The following STXBP5L variants were observed in gnomAD, a reference collection of about 807,000 sequenced individuals.
STXBP5L encodes syntaxin binding protein 5L.
A neutral mutation model predicts 144.5 loss-of-function variants in STXBP5L; 65 were observed. The ratio of observed to expected loss-of-function variants is 0.45; its 90% CI spans 0.37 to 0.55. STXBP5L has a LOEUF of 0.55. STXBP5L is among the 20% of genes least tolerant of loss of function. STXBP5L has a pLI of 0.00. For missense variants in STXBP5L, 1,298 were observed against 1,405.5 expected (o/e 0.92, Z 1.22); for synonymous variants, 505 against 469.6 (o/e 1.08, Z -0.97).
At chr3:121,312,446 C>CAT (rs1468535221) in intron 19 of STXBP5L, among the ~76,000 whole-genome samples, 9 of 12,752 alleles carry the variant, frequency 7.1e-4, no homozygotes, top group Non-Finnish European at 9.4e-4. Flanking sequence ...GTATGTCAAT[C>CAT]TTTTTTTTTT....
intron 6 of STXBP5L, among the ~76,000 whole-genome samples, chr3:121,118,020 G>T (rs1268693452): frequency 6.6e-6 from 1 of 151,592 alleles, no homozygotes; most frequent in African/African-American, 2.4e-5. Context: ...TTCCACATAT[G>T]ATTAAAATTT....
At chr3:121,076,556 C>T (rs148809401) in intron 5 of STXBP5L, among the ~76,000 whole-genome samples, 72 of 152,166 alleles carry the variant, frequency 4.7e-4, no homozygotes, top group African/African-American at 1.7e-3. Flanking sequence ...TACACTTAGC[C>T]AGGAGTCGAT....
intron 3 of STXBP5L, among the ~76,000 whole-genome samples, chr3:120,988,395 G>A (rs1367642680): frequency 6.6e-6 from 1 of 151,698 alleles, no homozygotes; most frequent in Non-Finnish European, 1.5e-5. Context: ...TAATTTGCAA[G>A]TGTTTGGAAA....
At chr3:121,154,569 C>T (rs906121481) in intron 8 of STXBP5L, among the ~76,000 whole-genome samples, 27 of 151,630 alleles carry the variant, frequency 1.8e-4, no homozygotes, top group Admixed American at 6.6e-5. Flanking sequence ...TATTGATATT[C>T]TTCAGGATAT....
intron 11 of STXBP5L, among the ~76,000 whole-genome samples, chr3:121,231,125 TG>T (rs2049294958): frequency 6.6e-6 from 1 of 152,296 alleles, no homozygotes; most frequent in East Asian, 1.9e-4. Context: ...ATGGTCCTCT[TG>T]TTTATAATAT....
chr3:121,052,630 G>A (rs577545391), intron 5 of STXBP5L, among the ~76,000 whole-genome samples: 2 of 152,140 alleles, frequency 1.3e-5, no homozygotes, highest in Non-Finnish European at 2.9e-5. Flanking sequence ...CAAACCCACA[G>A]TCAATATCAT....
chr3:120,984,165 C>T (rs1453600655), intron 3 of STXBP5L, among the ~76,000 whole-genome samples: 1 of 152,184 alleles, frequency 6.6e-6, no homozygotes, highest in African/African-American at 2.4e-5. Flanking sequence ...AAAGATTCAC[C>T]TCCAGTTCTC....
At chr3:121,348,462 C>T (rs1169380456) in intron 20 of STXBP5L, among the ~76,000 whole-genome samples, 2 of 152,104 alleles carry the variant, frequency 1.3e-5, no homozygotes, top group African/African-American at 4.8e-5. Context: ...CAGGATGATG[C>T]TGGCCTCATA....
At chr3:121,130,253 A>G (rs564997088) in intron 7 of STXBP5L, among the ~76,000 whole-genome samples, 1 of 152,148 alleles carries the variant, frequency 6.6e-6, no homozygotes, top group East Asian at 1.9e-4. Flanking sequence ...GTTACTATCC[A>G]TTTTCAAAGC....
intron 20 of STXBP5L, among the ~76,000 whole-genome samples, chr3:121,330,681 G>C (rs1484428784): frequency 6.6e-6 from 1 of 152,104 alleles, no homozygotes; most frequent in Admixed American, 6.6e-5. Flanking sequence ...CCTGGCTGGA[G>C]ACCAACTAAC....
At chr3:121,189,840 C>T (rs1418633526) in intron 9 of STXBP5L, among the ~76,000 whole-genome samples, 1 of 152,020 alleles carries the variant, frequency 6.6e-6, no homozygotes, top group Non-Finnish European at 1.5e-5. Flanking sequence ...AAATGACCAA[C>T]TTAAAATAAA....
chr3:121,021,416 A>G (rs1560012758), intron 3 of STXBP5L, among the ~76,000 whole-genome samples: 1 of 152,186 alleles, frequency 6.6e-6, no homozygotes, highest in African/African-American at 2.4e-5. Context: ...GAACAAATGG[A>G]TTTAATAGAT....
At chr3:120,910,777 A>G (rs1708794644) in intron 2 of STXBP5L, among the ~76,000 whole-genome samples, 3 of 152,170 alleles carry the variant, frequency 2.0e-5, no homozygotes, top group Admixed American at 6.5e-5. Flanking sequence ...CTCAGCCTAT[A>G]TTCCTAGCAG....
In STXBP5L at chr3:120,976,507, A is replaced by T. The variant is rs186453256; in HGVS notation, c.287+21470A>T. ...TTTCAAAAAATCAGCTCCTGGGTTC[A>T]TTAATTTTTTGAAGGGTTTTTTATG... On this transcript the variant is annotated intron_variant, in intron 3 of 26. Coordinates refer to ENST00000471454, the MANE Select transcript of STXBP5L (RefSeq NM_001308330.2). Among the ~76,000 whole-genome samples, 4 of 152,220 alleles carry T rather than the reference A, an allele frequency of 2.6e-5. No individual in the cohort carries two copies. The East Asian group carries it at 7.7e-4, about 29-fold the overall frequency.
chr3:121,116,449 C>T (rs1045761957), intron 6 of STXBP5L, among the ~76,000 whole-genome samples: 1 of 151,992 alleles, frequency 6.6e-6, no homozygotes, highest in Non-Finnish European at 1.5e-5. Context: ...AATTCTTTCT[C>T]CCTCATTAGA....
Position 121,151,121 on chromosome 3 carries a change from G to A in STXBP5L, c.670-1356G>A, listed in dbSNP as rs562922176. 5.9e-5 allele frequency among the ~76,000 whole-genome samples: 9 copies of A among 151,560 alleles called. No homozygotes were observed. The South Asian group carries it at 1.9e-3, about 32-fold the overall frequency. On this transcript the variant is annotated intron_variant, in intron 7 of 26. Coordinates refer to ENST00000471454, the MANE Select transcript of STXBP5L (RefSeq NM_001308330.2). ...AAAAAAAAAGAAAGAAAAGAAATTG[G>A]TTTCATCGTTCATCATTTTCTCTTG...
intron 3 of STXBP5L, among the ~76,000 whole-genome samples, chr3:120,967,619 T>G (rs1398633101): frequency 6.6e-6 from 1 of 152,198 alleles, no homozygotes; most frequent in African/African-American, 2.4e-5. Context: ...TAATGTTTAT[T>G]ATTTCTTTCC....
intron 7 of STXBP5L, among the ~76,000 whole-genome samples, chr3:121,123,930 G>A (rs958181237): frequency 1.1e-4 from 16 of 151,524 alleles, no homozygotes; most frequent in African/African-American, 3.4e-4. Flanking sequence ...TTCTTATTCA[G>A]TAAATATTTC....
chr3:121,412,002 T>G (rs1247005054), intron 23 of STXBP5L, among the ~76,000 whole-genome samples: 2 of 151,668 alleles, frequency 1.3e-5, no homozygotes, highest in Non-Finnish European at 2.9e-5. Context: ...ATCAAGAACA[T>G]TTGCTAAGCA....
Sources: allele counts gnomAD v4.1 joint callset (sites outside exome capture counted in the v4.1 genomes callset), GRCh38; gene constraint gnomAD v4.1.1; transcripts MANE v1.5; gene names NCBI Gene and HGNC (gene_info 2026-07-23, HGNC 2026-07-21).